Variants in G6PC2 observed in about 807,000 individuals in gnomAD.
G6PC2 encodes glucose-6-phosphatase catalytic subunit 2, also known as glucose-6-phosphatase 2.
In G6PC2, 41 loss-of-function variants were observed where a neutral mutation model predicts 35.4. The observed-to-expected ratio is 1.16, with a 90% CI of 0.90 to 1.50. G6PC2 has a LOEUF of 1.50. Among genes scored for constraint, G6PC2 ranks in the 40% most tolerant of loss-of-function variants. The pLI is 0.00. For synonymous variants in G6PC2, 165 were observed against 153.2 expected, an observed-to-expected ratio of 1.08 and a Z score of -0.57; for missense variants, 441 against 426.5, an observed-to-expected ratio of 1.03 and a Z score of -0.30.
At chr2:168,907,354 C>T (rs1559165469) in intron 4 of G6PC2, among the ~76,000 whole-genome samples, 1 of 152,186 alleles carries the variant, frequency 6.6e-6, no homozygotes, top group African/African-American at 2.4e-5. Flanking sequence ...AACTCCAGAA[C>T]GATCCTTCTG....
At chr2:168,901,922 G>A (rs1690604729) in intron 1 of G6PC2, among the ~76,000 whole-genome samples, 3 of 151,762 alleles carry the variant, frequency 2.0e-5, no homozygotes, top group African/African-American at 7.2e-5. Flanking sequence ...TTTTAGTAGA[G>A]ACAGGGTTTC....
In G6PC2 at chr2:168,904,501, G is replaced by A. The variant is rs1362022157; in HGVS notation, c.329-4G>A. 14 of 1,521,536 alleles carry A rather than the reference G, an allele frequency of 9.2e-6. No individual in the cohort carries two copies. Among genetic ancestry groups the A allele is most frequent in the Non-Finnish European group, 1.1e-5 (12 of 1,095,850 alleles). 94.3% of individuals were successfully genotyped at this position (1,521,536 alleles called of 1,614,324 possible). A position where few individuals can be genotyped will look rare whatever the true frequency, so the allele number is the denominator to read the frequency against. On this transcript the variant is annotated splice_region_variant and splice_polypyrimidine_tract_variant and intron_variant, in intron 2 of 4. Transcript: ENST00000375363. Reference sequence around the variant, plus strand: ...TCAAATGGACGGACACTTTGTTGTTGCAGGAAGTCCATCTGGCCATGCAAT... The same window carrying A: ...TCAAATGGACGGACACTTTGTTGTTACAGGAAGTCCATCTGGCCATGCAAT...
At chr2:168,904,447 C>A in intron 2 of G6PC2, 58 bp from the exon 3 acceptor site, 1 of 870,244 alleles carries the variant, frequency 1.1e-6, no homozygotes, top group Non-Finnish European at 2.0e-6. Flanking sequence ...TTCTATTATT[C>A]ATTTCTGATC....
rs924000489 is a variant in G6PC2, at chr2:168,908,266, C to T, written c.*187C>T. ...TCTTTTTTTTTAATCCTTCAGTTAC[C>T]AATATTTAGATACAAGAATATTTGA... On this transcript the variant is annotated 3_prime_UTR_variant, in exon 5 of 5. Transcript: ENST00000375363. 3.3e-6 allele frequency: 2 copies of T among 610,286 alleles called. No individual in the cohort carries two copies. The highest frequency in any genetic ancestry group is 2.0e-5 in the South Asian group (1 of 50,756). The allele number at this position is 610,286 out of a possible 1,614,324, so 37.8% of individuals were successfully genotyped here. A position where few individuals can be genotyped will look rare whatever the true frequency, so the allele number is the denominator to read the frequency against.
rs1690754464 is a variant in G6PC2, at chr2:168,907,969, T to G, written c.958T>G (p.Phe320Val). The G allele has an allele frequency of 6.2e-7, 1 of 1,613,838 alleles. No individual in the cohort carries two copies. The highest frequency in any genetic ancestry group is 8.5e-7 in the Non-Finnish European group (1 of 1,179,806). The change falls in exon 5 of 5, where the codon TTT (phenylalanine) becomes GTT (valine). Residue 320 changes from phenylalanine to valine, a missense_variant. Transcript: ENST00000375363. Reference protein sequence around the residue: ...LQIPTHEEHLFYVLSFCKSAS... With the variant: ...LQIPTHEEHLVYVLSFCKSAS... ...GATCCCGACTCACGAAGAGCATTTA[T>G]TTTATGTGCTGTCTTTTTGTAAAAG...
In G6PC2 at chr2:168,904,580, T is replaced by C. The variant is rs770699074; in HGVS notation, c.404T>C (p.Val135Ala). The C allele has an allele frequency of 3.1e-6, 5 of 1,610,498 alleles. No homozygotes were observed. The highest frequency in any genetic ancestry group is 3.4e-6 in the Non-Finnish European group (4 of 1,176,660). Residue 135 changes from valine (V) to alanine (A), a missense_variant, in exon 3 of 5, where the codon GTC becomes GCC. Coordinates refer to ENST00000375363, the MANE Select transcript of G6PC2 (RefSeq NM_021176.3). ...VMVTAALSHT[V>A]CGMDKFSITL... ...GTAACCGCTGCCCTGAGCCACACTG[T>C]CTGTGGGATGGATAAGTTCTCTATC...
chr2:168,908,135 T>G lies in G6PC2; in HGVS notation c.*56T>G. 1.4e-6 allele frequency: 2 copies of G among 1,431,242 alleles called. No individual in the cohort carries two copies. The highest frequency in any genetic ancestry group is 2.0e-6 in the Non-Finnish European group (2 of 1,016,478). The allele number at this position is 1,431,242 out of a possible 1,614,324, so 88.7% of individuals were successfully genotyped here. The stretch of plus-strand genomic sequence containing the variant: ...CAGATCACCCTTCTCCATCCACCAG[T>G]AGAGCCACAGAGTAGGCACAGACCA... On this transcript the variant is annotated 3_prime_UTR_variant, in exon 5 of 5. Coordinates refer to ENST00000375363, the MANE Select transcript of G6PC2 (RefSeq NM_021176.3).
In G6PC2 at chr2:168,906,535, T is replaced by G; in HGVS notation, c.441-129T>G. Reference sequence around the variant, plus strand: ...GGAAACAACATTTTGAAAAAAAAGATTCTAGAATCATGATGCTATGTCACA... The same window carrying G: ...GGAAACAACATTTTGAAAAAAAAGAGTCTAGAATCATGATGCTATGTCACA... On this transcript the variant is annotated intron_variant, in intron 3 of 4. Coordinates refer to ENST00000375363, the MANE Select transcript of G6PC2 (RefSeq NM_021176.3). 4.3e-6 allele frequency: 3 copies of G among 696,082 alleles called. No homozygotes were observed. In the Admixed American group the frequency reaches 6.4e-5, roughly 15 times the overall value. 43.1% of individuals were successfully genotyped at this position (696,082 alleles called of 1,614,324 possible).
intron 3 of G6PC2, among the ~76,000 whole-genome samples, chr2:168,906,405 C>T (rs532250065): frequency 3.7e-4 from 56 of 152,220 alleles, no homozygotes; most frequent in Non-Finnish European, 7.2e-4. Flanking sequence ...AAAATGACTT[C>T]CTTTTTAACA....
rs756731608 is a variant in G6PC2, at chr2:168,906,791, C to T, written c.556+12C>T. The T allele has an allele frequency of 1.7e-6, 2 of 1,187,982 alleles. No homozygotes were observed. Among genetic ancestry groups the T allele is most frequent in the South Asian group, 2.4e-5 (2 of 82,692 alleles). The allele number at this position is 1,187,982 out of a possible 1,614,324, so 73.6% of individuals were successfully genotyped here. ...TGGAGTAATTGGTGGTAAATATGATCACTTACCTTTAGCTGTGTCCTTTGA... is the reference window on the plus strand; with the variant it reads ...TGGAGTAATTGGTGGTAAATATGATTACTTACCTTTAGCTGTGTCCTTTGA... On this transcript the variant is annotated intron_variant, in intron 4 of 4. Transcript: ENST00000375363.
At chr2:168,905,519 T>A (rs145832539) in intron 3 of G6PC2, among the ~76,000 whole-genome samples, 6 of 152,324 alleles carry the variant, frequency 3.9e-5, no homozygotes, top group African/African-American at 1.2e-4. Context: ...TATGCCTTAA[T>A]GTATTTATTG....
At chr2:168,906,554 T>C (rs1690716335) in intron 3 of G6PC2, 110 bp from the exon 4 acceptor site, 1 of 743,246 alleles carries the variant, frequency 1.3e-6, no homozygotes, top group Non-Finnish European at 2.5e-6. Context: ...CATGATGCTA[T>C]GTCACAGTTA....
chr2:168,901,690 C>T, intron 1 of G6PC2, 141 bp downstream of exon 1: 1 of 639,308 alleles, frequency 1.6e-6, no homozygotes, highest in Non-Finnish European at 2.8e-6. Flanking sequence ...ACACCAGATT[C>T]ATAAGTAGAA....
intron 3 of G6PC2, among the ~76,000 whole-genome samples, chr2:168,906,235 T>G (rs972011869): frequency 3.3e-5 from 5 of 152,050 alleles, no homozygotes; most frequent in Non-Finnish European, 2.9e-5. Flanking sequence ...GCGTTTCTAC[T>G]GAGTTTTCCT....
chr2:168,906,921 G>A (rs527838374), intron 4 of G6PC2, 142 bp downstream of exon 4: 15 of 700,130 alleles, frequency 2.1e-5, no homozygotes, highest in Middle Eastern at 3.8e-4. Flanking sequence ...ATGCTACCCC[G>A]GGAGCTGACG....
In G6PC2 at chr2:168,901,525, A is replaced by G. The variant is rs1244176690; in HGVS notation, c.194A>G (p.Asp65Gly). The change falls in exon 1 of 5, where the codon GAT becomes GGT. Residue 65 changes from aspartate to glycine, a missense_variant. Asp to Gly is a moderately conservative substitution (Grantham distance 94). Coordinates refer to ENST00000375363, the MANE Select transcript of G6PC2 (RefSeq NM_021176.3). ...TKMIWVAVIG[D>G]WLNLIFKWIL... ...ATGATATGGGTAGCAGTCATTGGGGATTGGTTAAATCTTATATTTAAATGG... is the reference window on the plus strand; with the variant it reads ...ATGATATGGGTAGCAGTCATTGGGGGTTGGTTAAATCTTATATTTAAATGG... The G allele has an allele frequency of 1.9e-6, 3 of 1,544,522 alleles. No individual in the cohort carries two copies. The highest frequency in any genetic ancestry group is 2.2e-5 in the South Asian group (2 of 89,682).
intron 1 of G6PC2, among the ~76,000 whole-genome samples, chr2:168,901,963 C>T (rs555420525): frequency 2.6e-5 from 4 of 152,158 alleles, no homozygotes; most frequent in Admixed American, 6.5e-5. Flanking sequence ...CTCTAACTCC[C>T]GACCTCAGGT....
chr2:168,908,444 C>A lies in G6PC2; in HGVS notation c.*365C>A. ...CATTTTCTCACAGTCTTCAGCATCC[C>A]AGCAGGAGCCCCACTATGATTCCTT... On this transcript the variant is annotated 3_prime_UTR_variant, in exon 5 of 5. Coordinates refer to ENST00000375363, the MANE Select transcript of G6PC2 (RefSeq NM_021176.3). 3.2e-6 allele frequency: 1 copy of A among 316,418 alleles called. No homozygotes were observed. The highest frequency in any genetic ancestry group is 7.6e-5 in the East Asian group (1 of 13,144). The allele number at this position is 316,418 out of a possible 1,614,324, so 19.6% of individuals were successfully genotyped here.
chr2:168,904,415 A>C lies in G6PC2; in HGVS notation c.329-90A>C, dbSNP rs887980166. ...TTGTCTTTTTTTCTGAGTTACTCAT[A>C]ATTTTCATGGGGAATATGCTATTCT... On this transcript the variant is annotated intron_variant, in intron 2 of 4. Coordinates refer to ENST00000375363, the MANE Select transcript of G6PC2 (RefSeq NM_021176.3). The C allele has an allele frequency of 3.3e-5, 26 of 797,542 alleles. No individual in the cohort carries two copies. In the African/African-American group the frequency reaches 3.9e-4, roughly 12 times the overall value. The allele number at this position is 797,542 out of a possible 1,614,324, so 49.4% of individuals were successfully genotyped here.
Sources: allele counts gnomAD v4.1 joint callset (sites outside exome capture counted in the v4.1 genomes callset), GRCh38; gene constraint gnomAD v4.1.1; transcripts MANE v1.5; gene names NCBI Gene and HGNC (gene_info 2026-07-23, HGNC 2026-07-21).